TMTC3: variants seen among roughly 807,000 people sequenced by gnomAD.
TMTC3 encodes protein O-mannosyl-transferase TMTC3.
A neutral mutation model predicts 92.2 loss-of-function variants in TMTC3; 52 were observed. The ratio of observed to expected loss-of-function variants is 0.56; its 90% CI spans 0.45 to 0.71. TMTC3 has a LOEUF of 0.71. TMTC3 is among the 30% of genes least tolerant of loss of function. TMTC3 has a pLI of 0.00. For missense variants in TMTC3, 896 were observed against 1,057.1 expected (o/e 0.85, Z 2.11); for synonymous variants, 339 against 363.3 (o/e 0.93, Z 0.76).
chr12:88,156,945 G>A (rs902852003), intron 4 of TMTC3, among the ~76,000 whole-genome samples: 1 of 151,680 alleles, frequency 6.6e-6, no homozygotes, highest in African/African-American at 2.4e-5. Context: ...CAAAAACAGA[G>A]TAATGTTGTT....
Position 88,197,968 on chromosome 12 carries a change from G to A in TMTC3, c.*2319G>A, listed in dbSNP as rs1311852064. ...AAGACCACTGCTCTAAATTAGTGCA[G>A]GAAAATGCTTTTATTTCTCCCATGT... On this transcript the variant is annotated 3_prime_UTR_variant, in exon 14 of 14. Transcript: ENST00000266712. 5.8e-6 allele frequency: 1 copy of A among 173,670 alleles called. No homozygotes were observed. Among genetic ancestry groups the A allele is most frequent in the African/African-American group, 2.4e-5 (1 of 42,378 alleles). 10.8% of individuals were successfully genotyped at this position (173,670 alleles called of 1,614,324 possible). A position where few individuals can be genotyped will look rare whatever the true frequency, so the allele number is the denominator to read the frequency against.
chr12:88,156,152 T>G (rs2041007073), intron 4 of TMTC3, among the ~76,000 whole-genome samples: 2 of 152,216 alleles, frequency 1.3e-5, no homozygotes, highest in African/African-American at 4.8e-5. Flanking sequence ...TCTCTTTAAG[T>G]AATTCTGATT....
chr12:88,156,817 T>TTG (rs1555232095), intron 4 of TMTC3, among the ~76,000 whole-genome samples: 1 of 150,886 alleles, frequency 6.6e-6, no homozygotes, highest in Non-Finnish European at 1.5e-5. Context: ...GTGTGTTTTT[T>TTG]TTTTTTTTTT....
intron 1 of TMTC3, among the ~76,000 whole-genome samples, chr12:88,145,238 TCATGGCAAATTAAGC>T (rs577582538): frequency 1.3e-4 from 20 of 152,326 alleles, no homozygotes; most frequent in Admixed American, 1.2e-3. Flanking sequence ...TGCCTTATCT[TCATGGCAAATTAAGC>T]CATGGTTAAT....
chr12:88,179,670 T>C (rs1245446505), intron 10 of TMTC3, among the ~76,000 whole-genome samples: 1 of 152,144 alleles, frequency 6.6e-6, no homozygotes, highest in East Asian at 1.9e-4. Flanking sequence ...ACTGCACAGC[T>C]TAGCACCGCC....
At position 88,197,465 on chromosome 12, in the gene TMTC3, C is replaced by T. The variant is rs1565963166; in HGVS notation, c.*1816C>T. On this transcript the variant is annotated 3_prime_UTR_variant, in exon 14 of 14. Coordinates refer to ENST00000266712, the MANE Select transcript of TMTC3 (RefSeq NM_181783.4). ...AATGAATTCTTAAAATTCTTAGGCT[C>T]TCTCCATGTATCTTTCTTAAGGAAA... 6.6e-6 allele frequency: 1 copy of T among 152,104 alleles called. No homozygotes were observed. The highest frequency in any genetic ancestry group is 1.5e-5 in the Non-Finnish European group (1 of 67,828). The allele number at this position is 152,104 out of a possible 1,614,324, so 9.4% of individuals were successfully genotyped here.
chr12:88,155,527 C>G (rs145049170), intron 4 of TMTC3, among the ~76,000 whole-genome samples: 2 of 152,272 alleles, frequency 1.3e-5, no homozygotes, highest in African/African-American at 4.8e-5. Flanking sequence ...TTCACTATAG[C>G]TAGATAGACC....
Position 88,153,468 on chromosome 12 carries a change from G to C in TMTC3, c.367G>C (p.Ala123Pro). The C allele has an allele frequency of 6.2e-7, 1 of 1,613,100 alleles. No homozygotes were observed. Reference protein sequence around the residue: ...LFLDNKSSVIASLLFAVHPIH... With the variant: ...LFLDNKSSVIPSLLFAVHPIH... Reference sequence around the variant, plus strand: ...TCTGGACAACAAGAGTAGTGTGATTGCTTCTTTACTTTTTGCAGTGCACCC... The same window carrying C: ...TCTGGACAACAAGAGTAGTGTGATTCCTTCTTTACTTTTTGCAGTGCACCC... Residue 123 changes from alanine (A) to proline (P), a missense_variant, in exon 3 of 14, where the codon GCT (alanine) becomes CCT (proline). Ala to Pro is a conservative substitution (Grantham distance 27). Coordinates refer to ENST00000266712, the MANE Select transcript of TMTC3 (RefSeq NM_181783.4).
intron 6 of TMTC3, among the ~76,000 whole-genome samples, chr12:88,165,297 G>A (rs2041131513): frequency 6.6e-6 from 1 of 151,922 alleles, no homozygotes; most frequent in Non-Finnish European, 1.5e-5. Context: ...TAAATAAACT[G>A]TAATTTTTAA....
chr12:88,170,797 T>A (rs2041196409), intron 7 of TMTC3, among the ~76,000 whole-genome samples: 2 of 152,310 alleles, frequency 1.3e-5, no homozygotes, highest in South Asian at 4.1e-4. Context: ...TAGAAACAGA[T>A]TTCCTAATAA....
rs368442350 is a variant in TMTC3, at chr12:88,160,073, T to C, written c.509-41T>C. On this transcript the variant is annotated intron_variant, in intron 4 of 13. Transcript: ENST00000266712. ...AATATCTTTTTTTGATATTATAAAATTGTTTTCTGAATTTTTATATTTTCT... is the reference window on the plus strand; with the variant it reads ...AATATCTTTTTTTGATATTATAAAACTGTTTTCTGAATTTTTATATTTTCT... The C allele has an allele frequency of 2.3e-6, 3 of 1,317,356 alleles. No homozygotes were observed. In the African/African-American group the frequency reaches 4.5e-5, roughly 20 times the overall value. 81.6% of individuals were successfully genotyped at this position (1,317,356 alleles called of 1,614,324 possible). A position where few individuals can be genotyped will look rare whatever the true frequency, so the allele number is the denominator to read the frequency against.
chr12:88,146,682 A>G (rs1025849305), intron 1 of TMTC3, among the ~76,000 whole-genome samples: 9 of 150,220 alleles, frequency 6.0e-5, no homozygotes, highest in Non-Finnish European at 1.2e-4. Context: ...AATTATTTTG[A>G]ATGTATTCAT....
At chr12:88,173,157 C>A in intron 8 of TMTC3, 1 of 1,104,160 alleles carries the variant, frequency 9.1e-7, no homozygotes, top group Non-Finnish European at 1.2e-6. Context: ...TTGCTATCAT[C>A]ACTATCTTCA....
At chr12:88,152,677 A>G (rs970617625) in intron 2 of TMTC3, among the ~76,000 whole-genome samples, 15 of 152,208 alleles carry the variant, frequency 9.9e-5, no homozygotes, top group African/African-American at 3.1e-4. Context: ...ATTTATTACC[A>G]AAGGAGAATA....
At chr12:88,161,714 T>G (rs35038402) in intron 6 of TMTC3, among the ~76,000 whole-genome samples, 17,883 of 151,676 alleles carry the variant, frequency 0.12, 1,378 homozygotes, top group Non-Finnish European at 0.18. Context: ...TATAAATCTT[T>G]GTTGTTTTAG....
intron 11 of TMTC3, 120 bp from the exon 12 acceptor site, chr12:88,190,333 C>A: frequency 2.5e-6 from 2 of 816,074 alleles, no homozygotes; most frequent in Non-Finnish European, 3.8e-6. Context: ...CCTGATCTCT[C>A]AGTCCAGTGT....
intron 8 of TMTC3, 166 bp downstream of exon 8, chr12:88,172,911 A>C (rs575955843): frequency 1.3e-6 from 2 of 1,505,406 alleles, no homozygotes; most frequent in South Asian, 2.4e-5. Context: ...GGAAAGCTCC[A>C]TGGCACCTAC....
intron 4 of TMTC3, among the ~76,000 whole-genome samples, chr12:88,159,503 TA>T (rs897500698): frequency 3.1e-4 from 45 of 144,570 alleles, no homozygotes; most frequent in African/African-American, 2.5e-4. Flanking sequence ...TCTACAGAAA[TA>T]AAAAAAAAAA....
At chr12:88,170,962 T>C (rs1439714846) in intron 7 of TMTC3, among the ~76,000 whole-genome samples, 1 of 152,230 alleles carries the variant, frequency 6.6e-6, no homozygotes, top group Non-Finnish European at 1.5e-5. Context: ...TTAATAATTT[T>C]AGAAATTCTT....
Sources: allele counts gnomAD v4.1 joint callset (sites outside exome capture counted in the v4.1 genomes callset), GRCh38; gene constraint gnomAD v4.1.1; transcripts MANE v1.5; gene names NCBI Gene and HGNC (gene_info 2026-07-23, HGNC 2026-07-21).